C14orf119: variants seen among roughly 807,000 people sequenced by gnomAD.
The protein encoded by C14orf119 is uncharacterized protein C14orf119.
In C14orf119, 17 loss-of-function variants were observed where a neutral mutation model predicts 13.5. The observed-to-expected ratio is 1.26, with a 90% CI of 0.86 to 1.88. The LOEUF (loss-of-function observed/expected upper bound fraction) is 1.88. Ranked by LOEUF, C14orf119 falls within the 40% of genes most tolerant of loss-of-function variation. C14orf119 has a pLI of 0.00. For missense variants in C14orf119, 162 were observed against 165.9 expected (o/e 0.98, Z 0.13); for synonymous variants, 61 against 61.9 (o/e 0.99, Z 0.07).
chr14:23,099,471 G>T lies in C14orf119; in HGVS notation c.*1390G>T. Reference sequence around the variant, plus strand: ...TTAGGTGGGTCATGGAGGGATTATGGTCTGAAGTAACCAGCAACCTAGGAA... The same window carrying T: ...TTAGGTGGGTCATGGAGGGATTATGTTCTGAAGTAACCAGCAACCTAGGAA... On this transcript the variant is annotated 3_prime_UTR_variant, in exon 2 of 2. Transcript: ENST00000319074. The T allele has an allele frequency of 2.4e-6, 1 of 413,374 alleles. No individual in the cohort carries two copies. Among genetic ancestry groups the T allele is most frequent in the Non-Finnish European group, 4.4e-6 (1 of 226,140 alleles). 25.6% of individuals were successfully genotyped at this position (413,374 alleles called of 1,614,324 possible).
Position 23,099,509 on chromosome 14 carries a change from T to C in C14orf119, c.*1428T>C, listed in dbSNP as rs2048412661. The C allele has an allele frequency of 4.8e-6, 2 of 412,552 alleles. No homozygotes were observed. The highest frequency in any genetic ancestry group is 2.1e-5 in the African/African-American group (1 of 48,452). The allele number at this position is 412,552 out of a possible 1,614,324, so 25.6% of individuals were successfully genotyped here. On this transcript the variant is annotated 3_prime_UTR_variant, in exon 2 of 2. Transcript: ENST00000319074. ...AGCAACCTAGGAACATAGAAGGTAA[T>C]ATTTGGCATGGAATAATGCCTAGCC... is the stretch of plus-strand genomic sequence containing the variant.
rs113769304 is a variant in C14orf119, at chr14:23,097,706, C to T, written c.48C>T (p.Leu16=). Residue 16 remains leucine, a synonymous_variant, in exon 2 of 2, where the codon CTC becomes CTT. Coordinates refer to ENST00000319074, the MANE Select transcript of C14orf119 (RefSeq NM_017924.4). ...SSSMPLSFPS[L]LPSVPHNTNP... is the part of the protein sequence containing the mutation. ...CAATGCCACTATCCTTCCCATCTCT[C>T]TTACCCTCAGTACCACACAATACTA... 6 of 1,614,192 alleles carry T rather than the reference C, an allele frequency of 3.7e-6. No homozygotes were observed. The highest frequency in any genetic ancestry group is 5.1e-6 in the Non-Finnish European group (6 of 1,180,012).
chr14:23,099,547 G>A lies in C14orf119; in HGVS notation c.*1466G>A. The A allele has an allele frequency of 2.5e-6, 1 of 403,574 alleles. No individual in the cohort carries two copies. The highest frequency in any genetic ancestry group is 4.5e-6 in the Non-Finnish European group (1 of 223,038). 25.0% of individuals were successfully genotyped at this position (403,574 alleles called of 1,614,324 possible). A position where few individuals can be genotyped will look rare whatever the true frequency, so the allele number is the denominator to read the frequency against. On this transcript the variant is annotated 3_prime_UTR_variant, in exon 2 of 2. Coordinates refer to ENST00000319074, the MANE Select transcript of C14orf119 (RefSeq NM_017924.4). The stretch of plus-strand genomic sequence containing the variant: ...ATAATGCCTAGCCTTAGTAGATAAA[G>A]CGGCATTACCTTTTTTTTTTTTTTT...
chr14:23,096,702 A>C (rs1241199523), intron 1 of C14orf119, among the ~76,000 whole-genome samples: 1 of 151,648 alleles, frequency 6.6e-6, no homozygotes, highest in South Asian at 2.1e-4. Context: ...TCAGTCTCCT[A>C]CGTAGCTAGG....
intron 1 of C14orf119, among the ~76,000 whole-genome samples, chr14:23,097,294 CA>C (rs2140277129): frequency 6.6e-6 from 1 of 152,164 alleles, no homozygotes; most frequent in African/African-American, 2.4e-5. Context: ...TGTAATGGAC[CA>C]ACATTAATCA....
chr14:23,100,364 A>G lies in C14orf119; in HGVS notation c.*2283A>G. 1 of 411,734 alleles carries G rather than the reference A, an allele frequency of 2.4e-6. No homozygotes were observed. Among genetic ancestry groups the G allele is most frequent in the Non-Finnish European group, 4.4e-6 (1 of 225,628 alleles). The allele number at this position is 411,734 out of a possible 1,614,324, so 25.5% of individuals were successfully genotyped here. ...GGGAGTCAGGTAGTGACGGGACTGG[A>G]TGATCGTGTTAGGGATCTTTGTTCT... On this transcript the variant is annotated 3_prime_UTR_variant, in exon 2 of 2. Coordinates refer to ENST00000319074, the MANE Select transcript of C14orf119 (RefSeq NM_017924.4).
intron 1 of C14orf119, among the ~76,000 whole-genome samples, chr14:23,096,748 T>C (rs1007889724): frequency 1.3e-4 from 20 of 151,872 alleles, no homozygotes; most frequent in African/African-American, 4.6e-4. Context: ...AACTAATTTT[T>C]TTATTTTTTG....
At chr14:23,097,090 T>G (rs2048387943) in intron 1 of C14orf119, among the ~76,000 whole-genome samples, 1 of 152,166 alleles carries the variant, frequency 6.6e-6, no homozygotes, top group African/African-American at 2.4e-5. Flanking sequence ...TTACAGGAAA[T>G]GTAAGGAGGT....
At chr14:23,097,512 G>T (rs1392076838) in intron 1 of C14orf119, 146 bp from the exon 2 acceptor site, 2 of 675,562 alleles carry the variant, frequency 3.0e-6, no homozygotes, top group Non-Finnish European at 5.0e-6. Flanking sequence ...CTAAATAAAG[G>T]ACTCTTATTA....
At position 23,097,829 on chromosome 14, in the gene C14orf119, C is replaced by T. The variant is rs1439104920; in HGVS notation, c.171C>T (p.Phe57=). The T allele has an allele frequency of 1.9e-6, 3 of 1,614,092 alleles. No individual in the cohort carries two copies. Among genetic ancestry groups the T allele is most frequent in the Admixed American group, 1.7e-5 (1 of 60,004 alleles). Residue 57 remains phenylalanine, a synonymous_variant, in exon 2 of 2, where the codon TTC becomes TTT. Coordinates refer to ENST00000319074, the MANE Select transcript of C14orf119 (RefSeq NM_017924.4). ...GGTCAGGTCCCCAGCGTGAACGTTT[C>T]CTAGAGGACCTGGTAGCTAAGGCAG... ...ANWSGPQRER[F]LEDLVAKAVP... is the part of the protein sequence containing the mutation.
Position 23,099,637 on chromosome 14 carries a change from G to A in C14orf119, c.*1556G>A, listed in dbSNP as rs746534203. 6 of 372,482 alleles carry A rather than the reference G, an allele frequency of 1.6e-5. No individual in the cohort carries two copies. The highest frequency in any genetic ancestry group is 1.4e-5 in the Non-Finnish European group (3 of 210,632). The allele number at this position is 372,482 out of a possible 1,614,324, so 23.1% of individuals were successfully genotyped here. On this transcript the variant is annotated 3_prime_UTR_variant, in exon 2 of 2. Transcript: ENST00000319074. The stretch of plus-strand genomic sequence containing the variant: ...TGCAGTGGTGTGATCTTGGCTCACC[G>A]TAATCTCCGCCTCCCAGGCTCAAGC...
chr14:23,098,021 T>C lies in C14orf119; in HGVS notation c.363T>C (p.Ser121=). 2 of 1,614,174 alleles carry C rather than the reference T, an allele frequency of 1.2e-6. No homozygotes were observed. Among genetic ancestry groups the C allele is most frequent in the Non-Finnish European group, 8.5e-7 (1 of 1,180,030 alleles). Residue 121 remains serine (S), a synonymous_variant, in exon 2 of 2, where the codon AGT becomes AGC. Transcript: ENST00000319074. ...RNEFVRQLEF[S]EPDFVAKFYQ... is the part of the protein sequence containing the mutation. ...AATTTGTCAGACAGCTGGAGTTCAG[T>C]GAGCCAGACTTCGTGGCAAAGTTTT...
At chr14:23,097,300 T>C (rs2140277140) in intron 1 of C14orf119, among the ~76,000 whole-genome samples, 1 of 152,364 alleles carries the variant, frequency 6.6e-6, no homozygotes, top group East Asian at 1.9e-4. Flanking sequence ...GGACCAACAT[T>C]AATCATTGTT....
chr14:23,098,029 A>G lies in C14orf119; in HGVS notation c.371A>G (p.Asp124Gly). ...FVRQLEFSEP[D>G]FVAKFYQAVA... ...AGACAGCTGGAGTTCAGTGAGCCAG[A>G]CTTCGTGGCAAAGTTTTACCAAGCA... is the stretch of plus-strand genomic sequence containing the variant. Residue 124 changes from aspartate (D) to glycine (G), a missense_variant, in exon 2 of 2, where the codon GAC (aspartate) becomes GGC (glycine). Transcript: ENST00000319074. 1 of 1,614,170 alleles carries G rather than the reference A, an allele frequency of 6.2e-7. No individual in the cohort carries two copies. Among genetic ancestry groups the G allele is most frequent in the Middle Eastern group, 1.7e-4 (1 of 6,048 alleles).
intron 1 of C14orf119, among the ~76,000 whole-genome samples, 154 bp downstream of exon 1, chr14:23,095,773 G>A (rs2048360787): frequency 1.3e-5 from 2 of 152,148 alleles, no homozygotes; most frequent in African/African-American, 4.8e-5. Flanking sequence ...TTTTGGGGAG[G>A]GGCGGGGGGC....
At position 23,099,645 on chromosome 14, in the gene C14orf119, C is replaced by T. The variant is rs1490081499; in HGVS notation, c.*1564C>T. On this transcript the variant is annotated 3_prime_UTR_variant, in exon 2 of 2. Transcript: ENST00000319074. ...TGTGATCTTGGCTCACCGTAATCTC[C>T]GCCTCCCAGGCTCAAGCAATTCTCC... 3.7e-5 allele frequency: 14 copies of T among 379,582 alleles called. No individual in the cohort carries two copies. The highest frequency in any genetic ancestry group is 1.5e-4 in the South Asian group (1 of 6,690). The allele number at this position is 379,582 out of a possible 1,614,324, so 23.5% of individuals were successfully genotyped here. A position where few individuals can be genotyped will look rare whatever the true frequency, so the allele number is the denominator to read the frequency against.
At chr14:23,096,164 A>T (rs2140273923) in intron 1 of C14orf119, among the ~76,000 whole-genome samples, 1 of 152,374 alleles carries the variant, frequency 6.6e-6, no homozygotes, top group East Asian at 1.9e-4. Flanking sequence ...GAGATTTAAG[A>T]GACTGAAAAC....
At position 23,098,237 on chromosome 14, in the gene C14orf119, T is replaced by A; in HGVS notation, c.*156T>A. 1 of 694,896 alleles carries A rather than the reference T, an allele frequency of 1.4e-6. No individual in the cohort carries two copies. The highest frequency in any genetic ancestry group is 2.4e-6 in the Non-Finnish European group (1 of 411,292). The allele number at this position is 694,896 out of a possible 1,614,324, so 43.0% of individuals were successfully genotyped here. A position where few individuals can be genotyped will look rare whatever the true frequency, so the allele number is the denominator to read the frequency against. ...AGTACAGGCATGGTTATTTCAACAT[T>A]AATAGCATGTCAACTGGACTCCTAT... On this transcript the variant is annotated 3_prime_UTR_variant, in exon 2 of 2. Transcript: ENST00000319074.
chr14:23,099,102 A>G lies in C14orf119; in HGVS notation c.*1021A>G, dbSNP rs747574127. 2.2e-5 allele frequency: 9 copies of G among 405,460 alleles called. No homozygotes were observed. Among genetic ancestry groups the G allele is most frequent in the Non-Finnish European group, 3.6e-5 (8 of 221,712 alleles). 25.1% of individuals were successfully genotyped at this position (405,460 alleles called of 1,614,324 possible). ...ATTTATTTTTGTACCAAAATAAAGA[A>G]TGGATCTTTAGAACTGTAAAACTTC... On this transcript the variant is annotated 3_prime_UTR_variant, in exon 2 of 2. Coordinates refer to ENST00000319074, the MANE Select transcript of C14orf119 (RefSeq NM_017924.4).
Sources: gnomAD v4.1 joint callset for allele counts (sites outside exome capture counted in the v4.1 genomes callset) on GRCh38, gnomAD v4.1.1 for gene constraint, MANE v1.5 for transcripts, NCBI Gene and HGNC (gene_info 2026-07-23, HGNC 2026-07-21) for gene names.